Variants in C21orf91 observed in about 807,000 individuals in gnomAD.
The protein encoded by C21orf91 is protein EURL homolog.
C21orf91 carries 26 observed loss-of-function variants against 32.9 expected under a neutral mutation model. That is an observed-to-expected ratio of 0.79 (90% CI 0.58 to 1.10). The LOEUF is 1.10. C21orf91 is among the 50% of genes least tolerant of loss of function. The pLI is 0.00. For synonymous variants in C21orf91, 126 were observed against 120.4 expected, an observed-to-expected ratio of 1.05 and a Z score of -0.31; for missense variants, 310 against 341.3, an observed-to-expected ratio of 0.91 and a Z score of 0.72.
intron 4 of C21orf91, among the ~76,000 whole-genome samples, chr21:17,794,124 G>A (rs1455868375): frequency 6.6e-6 from 1 of 152,186 alleles, no homozygotes; most frequent in African/African-American, 2.4e-5. Flanking sequence ...TATTTGTAAA[G>A]TACTCATAAA....
rs201878970 is a variant in C21orf91, at chr21:17,797,051, G to A, written c.195C>T (p.Tyr65=). The stretch of plus-strand genomic sequence containing the variant: ...GACAACCCTGGTTTGCAATTAAATG[G>A]TATTTTTCAAAGCAGTCTTTATGGC... ...LRGHKDCFEK[Y]HLIANQGCPR... Residue 65 remains tyrosine (Y), a synonymous_variant, in exon 3 of 5, where the codon TAC becomes TAT. Transcript: ENST00000284881. The A allele has an allele frequency of 1.8e-5, 29 of 1,611,112 alleles. No homozygotes were observed. The East Asian group carries it at 5.8e-4, about 32-fold the overall frequency.
Position 17,792,343 on chromosome 21 carries a change from A to G in C21orf91, c.*1072T>C, listed in dbSNP as rs2062481696. The G allele has an allele frequency of 6.6e-6, 1 of 152,080 alleles. No homozygotes were observed. The highest frequency in any genetic ancestry group is 2.4e-5 in the African/African-American group (1 of 41,416). 9.4% of individuals were successfully genotyped at this position (152,080 alleles called of 1,614,324 possible). On this transcript the variant is annotated 3_prime_UTR_variant, in exon 5 of 5. Transcript: ENST00000284881. ...CTGTAGAACAATCCTATATTTCTCTATAGAGTCTAAAGTTTAGAAAAATAC... is the reference window on the plus strand; with the variant it reads ...CTGTAGAACAATCCTATATTTCTCTGTAGAGTCTAAAGTTTAGAAAAATAC...
chr21:17,797,882 AGAGTAT>A (rs1412994478), intron 2 of C21orf91, among the ~76,000 whole-genome samples: 1 of 152,054 alleles, frequency 6.6e-6, no homozygotes, highest in African/African-American at 2.4e-5. Flanking sequence ...TCAACTTAGT[AGAGTAT>A]AAGTATGCTA....
At chr21:17,800,705 GTACTACAACTTGCT>G (rs1252387066) in intron 2 of C21orf91, among the ~76,000 whole-genome samples, 3 of 152,174 alleles carry the variant, frequency 2.0e-5, no homozygotes, top group African/African-American at 7.2e-5. Context: ...AACCAAGATT[GTACTACAACTTGCT>G]TGCTAATACA....
chr21:17,791,484 A>G lies in C21orf91; in HGVS notation c.*1931T>C, dbSNP rs1313802607. 1 of 152,170 alleles carries G rather than the reference A, an allele frequency of 6.6e-6. No homozygotes were observed. The highest frequency in any genetic ancestry group is 1.5e-5 in the Non-Finnish European group (1 of 67,986). 9.4% of individuals were successfully genotyped at this position (152,170 alleles called of 1,614,324 possible). ...ATGGCTCATATTCTGGAAATATGCT[A>G]CTATTGATATCAAATGCAACATATC... On this transcript the variant is annotated 3_prime_UTR_variant, in exon 5 of 5. Transcript: ENST00000284881.
chr21:17,802,518 T>C (rs2062568749), intron 2 of C21orf91, among the ~76,000 whole-genome samples: 1 of 152,194 alleles, frequency 6.6e-6, no homozygotes, highest in African/African-American at 2.4e-5. Flanking sequence ...AATGATTAGA[T>C]TGTGTTTAAT....
chr21:17,803,025 AC>A (rs1467567972), intron 2 of C21orf91, among the ~76,000 whole-genome samples: 1 of 152,194 alleles, frequency 6.6e-6, no homozygotes, highest in Non-Finnish European at 1.5e-5. Flanking sequence ...AAGCACTCCA[AC>A]CTTTACCTCA....
In C21orf91 at chr21:17,790,320, C is replaced by T. The variant is rs2062463457; in HGVS notation, c.*3095G>A. The T allele has an allele frequency of 6.6e-6, 1 of 151,826 alleles. No individual in the cohort carries two copies. The highest frequency in any genetic ancestry group is 1.5e-5 in the Non-Finnish European group (1 of 67,850). The allele number at this position is 151,826 out of a possible 1,614,324, so 9.4% of individuals were successfully genotyped here. A position where few individuals can be genotyped will look rare whatever the true frequency, so the allele number is the denominator to read the frequency against. On this transcript the variant is annotated 3_prime_UTR_variant, in exon 5 of 5. Transcript: ENST00000284881. ...CTAAAAGCTTACTTTAAAAAAACTA[C>T]AAAAATGGACTAACAAGCCTTACCA...
chr21:17,816,615 T>C (rs1453094989), intron 2 of C21orf91, among the ~76,000 whole-genome samples: 2 of 152,240 alleles, frequency 1.3e-5, no homozygotes, highest in African/African-American at 4.8e-5. Context: ...TCAAACTGTA[T>C]TTCTTAGGTC....
chr21:17,798,617 C>G (rs749850704), intron 2 of C21orf91, among the ~76,000 whole-genome samples: 1 of 152,102 alleles, frequency 6.6e-6, no homozygotes, highest in Non-Finnish European at 1.5e-5. Context: ...CAATTGTGAG[C>G]ACGTATACAT....
At chr21:17,815,259 C>A (rs78322160) in intron 2 of C21orf91, among the ~76,000 whole-genome samples, 1 of 152,106 alleles carries the variant, frequency 6.6e-6, no homozygotes, top group Non-Finnish European at 1.5e-5. Flanking sequence ...ACTAGCTTAA[C>A]TGTTATTATT....
chr21:17,801,793 T>C (rs2062563397), intron 2 of C21orf91, among the ~76,000 whole-genome samples: 1 of 151,306 alleles, frequency 6.6e-6, no homozygotes, highest in African/African-American at 2.4e-5. Context: ...TGTATACCTA[T>C]GTAACAAACC....
rs1007589437 is a variant in C21orf91 at position 17,790,996 on chromosome 21, T to A, written c.*2419A>T. The A allele has an allele frequency of 3.9e-5, 6 of 152,058 alleles. No homozygotes were observed. Among genetic ancestry groups the A allele is most frequent in the African/African-American group, 1.4e-4 (6 of 41,422 alleles). 9.4% of individuals were successfully genotyped at this position (152,058 alleles called of 1,614,324 possible). A position where few individuals can be genotyped will look rare whatever the true frequency, so the allele number is the denominator to read the frequency against. ...GTACATGAGATATGCTTCAAAACAT[T>A]CTCAAAAATTACTAACAACTGTAGA... is the stretch of plus-strand genomic sequence containing the variant. On this transcript the variant is annotated 3_prime_UTR_variant, in exon 5 of 5. Transcript: ENST00000284881.
intron 2 of C21orf91, among the ~76,000 whole-genome samples, chr21:17,815,373 A>G (rs1237289952): frequency 6.6e-6 from 1 of 152,152 alleles, no homozygotes; most frequent in Non-Finnish European, 1.5e-5. Flanking sequence ...CAATACTACC[A>G]AACTACAAAA....
chr21:17,793,667 T>A, intron 4 of C21orf91, 86 bp from the exon 5 acceptor site: 1 of 832,878 alleles, frequency 1.2e-6, no homozygotes, highest in Non-Finnish European at 1.9e-6. Flanking sequence ...CTGAAATCTA[T>A]GCATTGGGCA....
chr21:17,805,243 T>A (rs1038847844), intron 2 of C21orf91, among the ~76,000 whole-genome samples: 1 of 152,214 alleles, frequency 6.6e-6, no homozygotes, highest in African/African-American at 2.4e-5. Flanking sequence ...CATAGGTAAC[T>A]AAGCAAAAGG....
chr21:17,801,466 T>A (rs1366514324), intron 2 of C21orf91, among the ~76,000 whole-genome samples: 1 of 152,032 alleles, frequency 6.6e-6, no homozygotes, highest in Non-Finnish European at 1.5e-5. Flanking sequence ...GAGACGGGGT[T>A]TCACCGTGTT....
chr21:17,818,358 T>C (rs1308464064), intron 1 of C21orf91, 33 bp from the exon 2 acceptor site: 3 of 1,572,730 alleles, frequency 1.9e-6, no homozygotes, highest in Non-Finnish European at 2.6e-6. Context: ...AGTTACACAA[T>C]TTCATGAACC....
At position 17,792,345 on chromosome 21, in the gene C21orf91, A is replaced by AGAG. The variant is rs1491455374; in HGVS notation, c.*1067_*1069dup. ...GTAGAACAATCCTATATTTCTCTATAGAGTCTAAAGTTTAGAAAAATACCT... is the reference window on the plus strand; with the variant it reads ...GTAGAACAATCCTATATTTCTCTATAGAGGAGTCTAAAGTTTAGAAAAATACCT... On this transcript the variant is annotated 3_prime_UTR_variant, in exon 5 of 5. Coordinates refer to ENST00000284881, the MANE Select transcript of C21orf91 (RefSeq NM_001100420.2). The AGAG allele has an allele frequency of 3.9e-5, 6 of 152,138 alleles. No homozygotes were observed. The highest frequency in any genetic ancestry group is 1.4e-4 in the African/African-American group (6 of 41,444). 9.4% of individuals were successfully genotyped at this position (152,138 alleles called of 1,614,324 possible).
Sources: allele counts gnomAD v4.1 joint callset (sites outside exome capture counted in the v4.1 genomes callset), GRCh38; gene constraint gnomAD v4.1.1; transcripts MANE v1.5; gene names NCBI Gene and HGNC (gene_info 2026-07-23, HGNC 2026-07-21).